The following PTPRQ variants were observed in gnomAD, a reference collection of about 807,000 sequenced individuals.
The protein encoded by PTPRQ is phosphatidylinositol phosphatase PTPRQ.
PTPRQ carries 199 observed loss-of-function variants against 246.0 expected under a neutral mutation model. That is an observed-to-expected ratio of 0.81 (90% CI 0.72 to 0.91). The LOEUF (loss-of-function observed/expected upper bound fraction) is 0.91. Among genes scored for constraint, PTPRQ ranks in the 40% least tolerant of loss-of-function variants. PTPRQ has a pLI of 0.00. For synonymous variants in PTPRQ, 869 were observed against 853.2 expected (o/e 1.02, Z -0.32); for missense variants, 2,624 against 2,528.4 (o/e 1.04, Z -0.81).
chr12:80,635,340 T>C (rs1381929839), intron 35 of PTPRQ, among the ~76,000 whole-genome samples: 1 of 152,214 alleles, frequency 6.6e-6, no homozygotes, highest in Non-Finnish European at 1.5e-5. Context: ...TTTTCCACAT[T>C]AAACCTTTGA....
At chr12:80,581,999 C>T (rs914676835) in intron 25 of PTPRQ, among the ~76,000 whole-genome samples, 1 of 152,046 alleles carries the variant, frequency 6.6e-6, no homozygotes, top group African/African-American at 2.4e-5. Flanking sequence ...GCAATGTCTA[C>T]CAATGCTACA....
chr12:80,620,452 C>T (rs1898938854), intron 32 of PTPRQ, 76 bp downstream of exon 32: 1 of 1,524,802 alleles, frequency 6.6e-7, no homozygotes, highest in Non-Finnish European at 8.8e-7. Context: ...TCTGCCTGTC[C>T]TTTCATCTTT....
chr12:80,586,613 G>C (rs1454587528), intron 25 of PTPRQ: 1 of 152,150 alleles, frequency 6.6e-6, no homozygotes, highest in Non-Finnish European at 1.5e-5. Flanking sequence ...TCCCTTCTCT[G>C]ATTACCTAAT....
intron 14 of PTPRQ, among the ~76,000 whole-genome samples, chr12:80,500,937 G>T (rs143633623): frequency 6.6e-6 from 1 of 152,066 alleles, no homozygotes; most frequent in Non-Finnish European, 1.5e-5. Context: ...AGTAGTGAGT[G>T]GGCTATTTGA....
chr12:80,515,791 C>T (rs931443196), intron 17 of PTPRQ, among the ~76,000 whole-genome samples: 1 of 144,928 alleles, frequency 6.9e-6, no homozygotes. Flanking sequence ...CTGCCTATGA[C>T]ATTTATTATA....
chr12:80,454,501 T>C, intron 3 of PTPRQ: 2 of 702,522 alleles, frequency 2.8e-6, no homozygotes, highest in Non-Finnish European at 2.6e-6. Context: ...CTTCCAGTAC[T>C]GTGTTCAATA....
At position 80,619,421 on chromosome 12, in the gene PTPRQ, T is replaced by C; in HGVS notation, c.5268T>C (p.Tyr1756=). 1 of 1,548,116 alleles carries C rather than the reference T, an allele frequency of 6.5e-7. No homozygotes were observed. The change falls in exon 31 of 45, where the codon TAT becomes TAC. Residue 1756 remains tyrosine (Y), a synonymous_variant. Transcript: ENST00000644991. ...CAAAAACCAAACCAACCCCTATTTA[T>C]GATGCCACAGGAAAACTGCTTGTGA... The part of the protein sequence containing the change: ...ARPKTKPTPI[Y]DATGKLLVTS...
At position 80,444,267 on chromosome 12, in the gene PTPRQ, G is replaced by A; in HGVS notation, c.-79G>A. On this transcript the variant is annotated 5_prime_UTR_variant, in exon 1 of 45. Coordinates refer to ENST00000644991, the MANE Select transcript of PTPRQ (RefSeq NM_001145026.2). ...AATTGTGTACTTGCCAGAAGGATCT[G>A]TCTTTAAATCATTAATGCAGGCAAC... The A allele has an allele frequency of 1.3e-6, 1 of 741,500 alleles. No individual in the cohort carries two copies. Among genetic ancestry groups the A allele is most frequent in the South Asian group, 1.6e-5 (1 of 64,330 alleles). 45.9% of individuals were successfully genotyped at this position (741,500 alleles called of 1,614,324 possible).
intron 38 of PTPRQ, among the ~76,000 whole-genome samples, chr12:80,654,254 C>A (rs1192924213): frequency 6.6e-6 from 1 of 152,096 alleles, no homozygotes; most frequent in East Asian, 1.9e-4. Context: ...GCCGCCATGC[C>A]CAGCTAATTT....
At chr12:80,611,632 T>G (rs1198874822) in intron 28 of PTPRQ, among the ~76,000 whole-genome samples, 1 of 150,366 alleles carries the variant, frequency 6.7e-6, no homozygotes, top group East Asian at 1.9e-4. Flanking sequence ...TGTCAAATCT[T>G]AATGTGCTAT....
chr12:80,607,455 C>CTTCT (rs1898368271), intron 27 of PTPRQ, among the ~76,000 whole-genome samples: 1 of 149,768 alleles, frequency 6.7e-6, no homozygotes, highest in Non-Finnish European at 1.5e-5. Context: ...TCCTTCCTTC[C>CTTCT]TTCCTTCCTC....
intron 8 of PTPRQ, among the ~76,000 whole-genome samples, chr12:80,483,737 C>A (rs1894165696): frequency 1.3e-5 from 2 of 151,736 alleles, no homozygotes; most frequent in South Asian, 2.1e-4. Context: ...CTCCCCTAGC[C>A]CCCCACCCAC....
chr12:80,649,049 A>G lies in PTPRQ; in HGVS notation c.5942+126A>G, dbSNP rs762937019. ...TGGAAAAACCTCCAAGCTGGATATAAATCATAAAAGCATGACTAATTGCAT... is the reference window on the plus strand; with the variant it reads ...TGGAAAAACCTCCAAGCTGGATATAGATCATAAAAGCATGACTAATTGCAT... On this transcript the variant is annotated intron_variant, in intron 36 of 44. Coordinates refer to ENST00000644991, the MANE Select transcript of PTPRQ (RefSeq NM_001145026.2). The G allele has an allele frequency of 3.0e-5, 27 of 899,946 alleles. No individual in the cohort carries two copies. In the Middle Eastern group the frequency reaches 7.1e-4, roughly 24 times the overall value. The allele number at this position is 899,946 out of a possible 1,614,324, so 55.7% of individuals were successfully genotyped here.
intron 43 of PTPRQ, among the ~76,000 whole-genome samples, chr12:80,676,883 T>C (rs1303998093): frequency 6.6e-6 from 1 of 152,194 alleles, no homozygotes; most frequent in Non-Finnish European, 1.5e-5. Context: ...AATCTTACAA[T>C]ACAGGATTTA....
chr12:80,446,001 A>C (rs1033964381), intron 3 of PTPRQ, among the ~76,000 whole-genome samples: 4 of 151,932 alleles, frequency 2.6e-5, no homozygotes, highest in Non-Finnish European at 5.9e-5. Context: ...ACAATACTCT[A>C]GGAAATAAAA....
chr12:80,653,272 C>T (rs577908873), intron 38 of PTPRQ, among the ~76,000 whole-genome samples: 55 of 152,162 alleles, frequency 3.6e-4, no homozygotes, highest in Non-Finnish European at 6.8e-4. Flanking sequence ...AGAGTAAATG[C>T]GCACTTACAT....
intron 18 of PTPRQ, 87 bp from the exon 19 acceptor site, chr12:80,534,805 T>C (rs1895939805): frequency 7.0e-7 from 1 of 1,430,460 alleles, no homozygotes; most frequent in African/African-American, 1.5e-5. Context: ...ATCACTTTAA[T>C]TTATAAACTG....
rs375907082 is a variant in PTPRQ at position 80,589,371 on chromosome 12, A to G, written c.4609+919A>G. 1.3e-4 allele frequency among the ~76,000 whole-genome samples: 20 copies of G among 152,312 alleles called. No homozygotes were observed. In the South Asian group the frequency reaches 3.9e-3, roughly 30 times the overall value. The stretch of plus-strand genomic sequence containing the variant: ...AGGTTTGCCAGGCCACCCATCCCAT[A>G]TAAATCCTTCAGATATAGGCCTTAT... On this transcript the variant is annotated intron_variant, in intron 26 of 44. Transcript: ENST00000644991.
chr12:80,468,956 A>G, intron 7 of PTPRQ, 118 bp downstream of exon 7: 1 of 1,353,632 alleles, frequency 7.4e-7, no homozygotes, highest in Non-Finnish European at 9.8e-7. Context: ...AGATTGAAGC[A>G]AACAATAGGA....
Sources: allele counts gnomAD v4.1 joint callset (sites outside exome capture counted in the v4.1 genomes callset), GRCh38; gene constraint gnomAD v4.1.1; transcripts MANE v1.5; gene names NCBI Gene and HGNC (gene_info 2026-07-23, HGNC 2026-07-21).